SPAG16: variants seen among roughly 807,000 people sequenced by gnomAD.
SPAG16 encodes the protein sperm-associated antigen 16 protein.
Under a neutral mutation model 80.4 loss-of-function variants are expected in SPAG16, and 86 were observed. That is an observed-to-expected ratio of 1.07 (90% CI 0.90 to 1.28). The LOEUF (loss-of-function observed/expected upper bound fraction) is 1.28, where lower values mean the gene tolerates loss of function less well. SPAG16 is among the 50% of genes most tolerant of loss of function. SPAG16 has a pLI of 0.00. For missense variants in SPAG16, 870 were observed against 765.3 expected (o/e 1.14, Z -1.61); for synonymous variants, 294 against 265.9 (o/e 1.11, Z -1.03).
intron 15 of SPAG16, among the ~76,000 whole-genome samples, chr2:214,276,796 T>C (rs1180450306): frequency 6.6e-6 from 1 of 152,164 alleles, no homozygotes; most frequent in Non-Finnish European, 1.5e-5. Context: ...GAGGAGTATC[T>C]TTGTGGTGTT....
intron 14 of SPAG16, among the ~76,000 whole-genome samples, chr2:214,134,359 C>T (rs943173728): frequency 6.6e-6 from 1 of 152,178 alleles, no homozygotes; most frequent in Non-Finnish European, 1.5e-5. Context: ...GTCACACATT[C>T]CTAGTCTTGA....
intron 15 of SPAG16, among the ~76,000 whole-genome samples, chr2:214,156,259 G>C (rs992586158): frequency 6.6e-6 from 1 of 152,110 alleles, no homozygotes; most frequent in African/African-American, 2.4e-5. Context: ...TTCCTCCTGG[G>C]AGCTAGAACT....
At chr2:213,677,004 A>T (rs1347402451) in intron 10 of SPAG16, among the ~76,000 whole-genome samples, 3 of 151,892 alleles carry the variant, frequency 2.0e-5, no homozygotes, top group East Asian at 3.9e-4. Flanking sequence ...CTGTGAATCC[A>T]TCTGGTCCTG....
chr2:213,523,290 C>T (rs147076747), intron 10 of SPAG16, among the ~76,000 whole-genome samples: 2,901 of 152,240 alleles, frequency 0.019, 80 homozygotes, highest in African/African-American at 0.055. Context: ...TGTTTGCTTC[C>T]GCTTCCACCA....
intron 1 of SPAG16, among the ~76,000 whole-genome samples, chr2:213,287,913 T>A (rs2062114328): frequency 6.6e-6 from 1 of 152,170 alleles, no homozygotes; most frequent in South Asian, 2.1e-4. Context: ...AAAAAAATTA[T>A]TATTTTTTTA....
chr2:213,647,787 C>A (rs1025110764), intron 10 of SPAG16, among the ~76,000 whole-genome samples: 1 of 152,142 alleles, frequency 6.6e-6, no homozygotes, highest in Admixed American at 6.5e-5. Context: ...TATCACCAGG[C>A]CCCAGGCACT....
chr2:214,090,801 T>C (rs1451134537), intron 13 of SPAG16, among the ~76,000 whole-genome samples: 1 of 152,060 alleles, frequency 6.6e-6, no homozygotes, highest in Non-Finnish European at 1.5e-5. Flanking sequence ...AGTCTGTTTC[T>C]TCCTCATTAG....
At chr2:213,519,097 A>G (rs554444782) in intron 10 of SPAG16, among the ~76,000 whole-genome samples, 18 of 152,294 alleles carry the variant, frequency 1.2e-4, no homozygotes, top group African/African-American at 3.8e-4. Flanking sequence ...AAAACTGCCT[A>G]TTGCATACTA....
At chr2:213,342,632 A>G (rs1416366157) in intron 6 of SPAG16, among the ~76,000 whole-genome samples, 1 of 151,970 alleles carries the variant, frequency 6.6e-6, no homozygotes, top group Non-Finnish European at 1.5e-5. Flanking sequence ...TTAATTATTA[A>G]TGGAATAAAA....
At chr2:213,984,764 A>G (rs1476475516) in intron 12 of SPAG16, among the ~76,000 whole-genome samples, 1 of 151,988 alleles carries the variant, frequency 6.6e-6, no homozygotes, top group African/African-American at 2.4e-5. Flanking sequence ...CTCCAACCAT[A>G]TATGCCATCA....
chr2:213,951,964 G>A (rs72950730), intron 12 of SPAG16, among the ~76,000 whole-genome samples: 22,206 of 152,112 alleles, frequency 0.15, 2,029 homozygotes, highest in Non-Finnish European at 0.21. Flanking sequence ...TGCATTAAAT[G>A]ATGTTATAAA....
intron 10 of SPAG16, among the ~76,000 whole-genome samples, chr2:213,561,789 G>GT (rs1261359387): frequency 1.3e-5 from 2 of 151,958 alleles, no homozygotes; most frequent in Non-Finnish European, 2.9e-5. Flanking sequence ...AATGCCTTTT[G>GT]TTGTATAACT....
chr2:214,184,136 T>C (rs534736041), intron 15 of SPAG16, among the ~76,000 whole-genome samples: 1 of 152,106 alleles, frequency 6.6e-6, no homozygotes. Context: ...AATATGCTTA[T>C]AGTCTGATAT....
At chr2:214,170,226 GTATACACACACACTTAGGTGTGTA>G (rs2056822578) in intron 15 of SPAG16, among the ~76,000 whole-genome samples, 1 of 123,188 alleles carries the variant, frequency 8.1e-6, no homozygotes, top group African/African-American at 2.6e-5. Context: ...GTGTGTATAC[GTATACACACACACTTAGGTGTGTA>G]TACATATACA....
intron 9 of SPAG16, among the ~76,000 whole-genome samples, chr2:213,379,505 A>C (rs2067055222): frequency 6.6e-6 from 1 of 152,212 alleles, no homozygotes; most frequent in African/African-American, 2.4e-5. Flanking sequence ...CTTTGGTCAG[A>C]GGCAATGCTG....
intron 15 of SPAG16, among the ~76,000 whole-genome samples, chr2:214,379,254 C>CAA (rs1700311742): frequency 6.6e-6 from 1 of 152,120 alleles, no homozygotes; most frequent in African/African-American, 2.4e-5. Flanking sequence ...ACTCTGTAGT[C>CAA]AAAGTAACAG....
chr2:214,147,903 T>G (rs750100427), intron 14 of SPAG16, among the ~76,000 whole-genome samples: 1 of 152,082 alleles, frequency 6.6e-6, no homozygotes, highest in Non-Finnish European at 1.5e-5. Context: ...ACAGAAAGAA[T>G]AGAAATCAAG....
In SPAG16 at chr2:214,065,040, C is replaced by A. The variant is rs559335579; in HGVS notation, c.1528-43156C>A. 6.6e-5 allele frequency among the ~76,000 whole-genome samples: 10 copies of A among 151,766 alleles called. No homozygotes were observed. The South Asian group carries it at 1.9e-3, about 28-fold the overall frequency. On this transcript the variant is annotated intron_variant, in intron 13 of 15. Transcript: ENST00000331683. ...GTGCTAAGAGCTTTAAATATTTTTTCTCATGTGATTCTTACAATAAACCTA... is the reference window on the plus strand; with the variant it reads ...GTGCTAAGAGCTTTAAATATTTTTTATCATGTGATTCTTACAATAAACCTA...
At chr2:214,365,977 A>C (rs1169577824) in intron 15 of SPAG16, among the ~76,000 whole-genome samples, 1 of 146,704 alleles carries the variant, frequency 6.8e-6, no homozygotes, top group Non-Finnish European at 1.5e-5. Context: ...TCTATTTGCC[A>C]GGTTTTTTTT....
Sources: allele counts gnomAD v4.1 joint callset (sites outside exome capture counted in the v4.1 genomes callset), GRCh38; gene constraint gnomAD v4.1.1; transcripts MANE v1.5; gene names NCBI Gene and HGNC (gene_info 2026-07-23, HGNC 2026-07-21).